The following VWA3B variants were observed in gnomAD, a reference collection of about 807,000 sequenced individuals.
VWA3B encodes von Willebrand factor A domain containing 3B.
A neutral mutation model predicts 158.3 loss-of-function variants in VWA3B; 138 were observed. That is an observed-to-expected ratio of 0.87 (90% CI 0.76 to 1.00). VWA3B has a LOEUF of 1.00. VWA3B is among the 50% of genes least tolerant of loss of function. VWA3B has a pLI of 0.00. For synonymous variants in VWA3B, 596 were observed against 587.3 expected, an observed-to-expected ratio of 1.01 and a Z score of -0.21; for missense variants, 1,555 against 1,565.1, an observed-to-expected ratio of 0.99 and a Z score of 0.11.
At position 98,170,532 on chromosome 2, in the gene VWA3B, G is replaced by C. The variant is rs1679495006; in HGVS notation, c.1114+7556G>C. Among the ~76,000 whole-genome samples, 3 of 152,078 alleles carry C rather than the reference G, an allele frequency of 2.0e-5. No individual in the cohort carries two copies. In the South Asian group the frequency reaches 6.2e-4, roughly 32 times the overall value. On this transcript the variant is annotated intron_variant, in intron 8 of 27. Transcript: ENST00000477737. The stretch of plus-strand genomic sequence containing the variant: ...AGGGGGATGGTGCTTATTTTCATTA[G>C]TATTGTATTAAATAATCAGCAAGAT...
intron 2 of VWA3B, among the ~76,000 whole-genome samples, chr2:98,100,496 G>A (rs779568260): frequency 1.2e-4 from 19 of 152,218 alleles, no homozygotes; most frequent in African/African-American, 2.2e-4. Context: ...AGCCCATGGC[G>A]GCTGAGGCCT....
At chr2:98,297,199 A>G (rs1689860865) in intron 23 of VWA3B, among the ~76,000 whole-genome samples, 1 of 151,740 alleles carries the variant, frequency 6.6e-6, no homozygotes, top group Non-Finnish European at 1.5e-5. Flanking sequence ...CTCCTGCCTC[A>G]GCCTCCCGAG....
intron 24 of VWA3B, 27 bp from the exon 25 acceptor site, chr2:98,300,052 A>T (rs1224159473): frequency 6.2e-7 from 1 of 1,613,998 alleles, no homozygotes; most frequent in South Asian, 1.1e-5. Context: ...CATAAGCAAA[A>T]TATTTGCTCT....
intron 8 of VWA3B, among the ~76,000 whole-genome samples, chr2:98,169,592 T>C (rs1679402584): frequency 6.6e-6 from 1 of 152,206 alleles, no homozygotes; most frequent in Admixed American, 6.5e-5. Context: ...AGATATTATA[T>C]GTCAATTGTA....
downstream of VWA3B, among the ~76,000 whole-genome samples, chr2:98,314,908 A>G (rs1182641973): frequency 6.6e-6 from 1 of 151,806 alleles, no homozygotes; most frequent in Non-Finnish European, 1.5e-5. Flanking sequence ...CTGTAATCCC[A>G]GTTACTTGGG....
At chr2:98,110,856 C>T (rs998506567) in intron 2 of VWA3B, among the ~76,000 whole-genome samples, 1 of 152,236 alleles carries the variant, frequency 6.6e-6, no homozygotes, top group African/African-American at 2.4e-5. Flanking sequence ...CTTTCTCTTG[C>T]TGTTTTCACA....
At chr2:98,169,715 CTGTGTGTGTGTGTGTGTGTGTGTG>C (rs61535424) in intron 8 of VWA3B, among the ~76,000 whole-genome samples, 4 of 134,334 alleles carry the variant, frequency 3.0e-5, no homozygotes, top group Admixed American at 7.4e-5. Context: ...CCTGGGCATT[CTGTGTGTGTGTGTGTGTGTGTGTG>C]TGTGTGTGTG....
the VWA3B span, among the ~76,000 whole-genome samples, chr2:98,329,728 G>A: frequency 3.3e-5 from 5 of 152,166 alleles, no homozygotes; most frequent in African/African-American, 9.7e-5. Flanking sequence ...GTCAGTTGAC[G>A]TTAAACAAGG....
intron 5 of VWA3B, among the ~76,000 whole-genome samples, chr2:98,123,820 G>T (rs1330930061): frequency 6.6e-6 from 1 of 152,146 alleles, no homozygotes; most frequent in Non-Finnish European, 1.5e-5. Flanking sequence ...AGGAAGGGTG[G>T]TGTACAGGAT....
intron 22 of VWA3B, among the ~76,000 whole-genome samples, chr2:98,285,154 A>G (rs1689091277): frequency 6.6e-6 from 1 of 152,176 alleles, no homozygotes; most frequent in African/African-American, 2.4e-5. Flanking sequence ...TTAGAACGTT[A>G]TCTTCCTCCT....
At chr2:98,206,525 G>C in intron 12 of VWA3B, 1 of 494,338 alleles carries the variant, frequency 2.0e-6, no homozygotes. Context: ...GAAAGTCCTG[G>C]ATTCTGGTGC....
At chr2:98,205,045 G>A (rs1682899560) in intron 12 of VWA3B, among the ~76,000 whole-genome samples, 1 of 152,164 alleles carries the variant, frequency 6.6e-6, no homozygotes, top group South Asian at 2.1e-4. Context: ...CAGAAGCAGA[G>A]GCTGCAGTGA....
chr2:98,123,017 G>A (rs1210746625), intron 5 of VWA3B, among the ~76,000 whole-genome samples: 2 of 152,156 alleles, frequency 1.3e-5, no homozygotes, highest in African/African-American at 4.8e-5. Flanking sequence ...GAAAATTCTA[G>A]CAAATGCAAC....
intron 22 of VWA3B, among the ~76,000 whole-genome samples, chr2:98,287,874 G>A (rs1007518965): frequency 1.3e-5 from 2 of 152,086 alleles, no homozygotes; most frequent in Admixed American, 6.6e-5. Context: ...TTTTGTCTTA[G>A]AGTACATGGT....
At chr2:98,251,666 G>A (rs1272742342) in intron 20 of VWA3B, among the ~76,000 whole-genome samples, 1 of 152,166 alleles carries the variant, frequency 6.6e-6, no homozygotes, top group African/African-American at 2.4e-5. Context: ...TATTGGCCCA[G>A]GCCAGCGTAT....
At chr2:98,167,218 T>C (rs1679157867) in intron 8 of VWA3B, among the ~76,000 whole-genome samples, 1 of 152,058 alleles carries the variant, frequency 6.6e-6, no homozygotes. Flanking sequence ...CACATACAGG[T>C]CCATAGTACC....
intron 23 of VWA3B, 27 bp downstream of exon 23, chr2:98,290,649 A>G: frequency 6.8e-7 from 1 of 1,460,664 alleles, no homozygotes; most frequent in South Asian, 1.3e-5. Flanking sequence ...TAATTTCGTG[A>G]GGCTTTTGTT....
chr2:98,318,557 C>T, the VWA3B span, among the ~76,000 whole-genome samples: 1 of 152,082 alleles, frequency 6.6e-6, no homozygotes, highest in African/African-American at 2.4e-5. Flanking sequence ...GAACAAAACA[C>T]ACTGTGGCGT....
chr2:98,204,672 TTG>T (rs1410659051), intron 12 of VWA3B, among the ~76,000 whole-genome samples: 2 of 152,242 alleles, frequency 1.3e-5, no homozygotes, highest in Admixed American at 1.3e-4. Flanking sequence ...TGTAGGCTTT[TTG>T]TGTGTGTGCT....
Sources: gnomAD v4.1 joint callset for allele counts (sites outside exome capture counted in the v4.1 genomes callset) on GRCh38, gnomAD v4.1.1 for gene constraint, MANE v1.5 for transcripts, NCBI Gene and HGNC (gene_info 2026-07-23, HGNC 2026-07-21) for gene names.